Variants in VTI1A observed in about 807,000 individuals in gnomAD.
The protein encoded by VTI1A is vesicle transport through interaction with t-SNAREs homolog 1A.
A neutral mutation model predicts 34.9 loss-of-function variants in VTI1A; 22 were observed. The ratio of observed to expected loss-of-function variants is 0.63; its 90% CI spans 0.45 to 0.90. VTI1A has a LOEUF of 0.90. VTI1A is among the 40% of genes least tolerant of loss of function. VTI1A has a pLI of 0.00. For synonymous variants in VTI1A, 87 were observed against 97.3 expected, an observed-to-expected ratio of 0.89 and a Z score of 0.62; for missense variants, 268 against 275.6, an observed-to-expected ratio of 0.97 and a Z score of 0.20.
intron 5 of VTI1A, among the ~76,000 whole-genome samples, chr10:112,602,634 A>G (rs1844919194): frequency 1.3e-5 from 2 of 152,240 alleles, no homozygotes; most frequent in South Asian, 4.1e-4. Context: ...TGGATTTATA[A>G]GACATTGTGA....
At chr10:112,678,621 C>T (rs865841456) in intron 7 of VTI1A, among the ~76,000 whole-genome samples, 1 of 152,214 alleles carries the variant, frequency 6.6e-6, no homozygotes, top group Admixed American at 6.5e-5. Context: ...CCACTACCGC[C>T]ACCATATTTT....
chr10:112,755,421 C>T (rs2133998849), intron 7 of VTI1A, among the ~76,000 whole-genome samples: 1 of 152,292 alleles, frequency 6.6e-6, no homozygotes, highest in East Asian at 1.9e-4. Flanking sequence ...ACCTTCAGTA[C>T]TTGATTCCTG....
intron 3 of VTI1A, among the ~76,000 whole-genome samples, chr10:112,495,064 A>G (rs531335944): frequency 7.3e-4 from 111 of 152,202 alleles, no homozygotes; most frequent in African/African-American, 2.1e-3. Flanking sequence ...ACTGATGGAA[A>G]TGTGTCTTTT....
At chr10:112,815,256 C>A in intron 7 of VTI1A, 34 bp from the exon 8 acceptor site, 1 of 1,554,304 alleles carries the variant, frequency 6.4e-7, no homozygotes. Context: ...TTCCACTTAT[C>A]TGTGTGTGTT....
chr10:112,738,847 C>T (rs1850590500), intron 7 of VTI1A, among the ~76,000 whole-genome samples: 1 of 151,980 alleles, frequency 6.6e-6, no homozygotes, highest in South Asian at 2.1e-4. Context: ...AGAAAGCCCT[C>T]ATGGAAGAGA....
chr10:112,761,345 G>A (rs971221955), intron 7 of VTI1A, among the ~76,000 whole-genome samples: 9 of 152,024 alleles, frequency 5.9e-5, no homozygotes, highest in Non-Finnish European at 1.2e-4. Context: ...TTTTAATTTC[G>A]GTCTAACAGC....
chr10:112,815,139 G>GCACA (rs71489986), intron 7 of VTI1A, 151 bp from the exon 8 acceptor site: 20,865 of 179,536 alleles, frequency 0.12, 1,197 homozygotes, highest in East Asian at 0.24. Flanking sequence ...TTTCGCGCGC[G>GCACA]CACACACACA....
intron 3 of VTI1A, among the ~76,000 whole-genome samples, chr10:112,481,646 G>T (rs1848460258): frequency 6.6e-6 from 1 of 152,030 alleles, no homozygotes; most frequent in Non-Finnish European, 1.5e-5. Flanking sequence ...ACTTAATTTT[G>T]TACAAGAATT....
chr10:112,838,166 G>A, the VTI1A span, among the ~76,000 whole-genome samples: 1 of 152,206 alleles, frequency 6.6e-6, no homozygotes, highest in Non-Finnish European at 1.5e-5. Flanking sequence ...AAGAGGGCTG[G>A]GGCCAAGCCC....
At chr10:112,553,743 T>C (rs1338704264) in intron 5 of VTI1A, among the ~76,000 whole-genome samples, 1 of 152,206 alleles carries the variant, frequency 6.6e-6, no homozygotes, top group Non-Finnish European at 1.5e-5. Context: ...TCTACCTGTG[T>C]TCCACTGTCA....
the VTI1A span, among the ~76,000 whole-genome samples, chr10:112,835,086 G>T: frequency 6.6e-6 from 1 of 152,082 alleles, no homozygotes; most frequent in South Asian, 2.1e-4. Flanking sequence ...CACAGGGCCC[G>T]TGCGCTTCTC....
chr10:112,715,230 T>G (rs1849564556), intron 7 of VTI1A, among the ~76,000 whole-genome samples: 1 of 152,168 alleles, frequency 6.6e-6, no homozygotes, highest in African/African-American at 2.4e-5. Flanking sequence ...TTACTGAATT[T>G]TAATACTTCC....
chr10:112,740,260 T>C lies in VTI1A; in HGVS notation c.560+71262T>C, dbSNP rs185371067. ...ACAAATACTGGCCATGGGAAAACAATGCAGAATTCCCCCTGTGAACACTTT... is the reference window on the plus strand; with the variant it reads ...ACAAATACTGGCCATGGGAAAACAACGCAGAATTCCCCCTGTGAACACTTT... On this transcript the variant is annotated intron_variant, in intron 7 of 7. Coordinates refer to ENST00000393077, the MANE Select transcript of VTI1A (RefSeq NM_145206.4). Among the ~76,000 whole-genome samples, 6 of 152,290 alleles carry C rather than the reference T, an allele frequency of 3.9e-5. No homozygotes were observed. In the East Asian group the frequency reaches 9.7e-4, roughly 25 times the overall value.
intron 5 of VTI1A, among the ~76,000 whole-genome samples, chr10:112,604,150 G>C (rs1016622599): frequency 2.0e-5 from 3 of 152,132 alleles, no homozygotes; most frequent in Admixed American, 6.5e-5. Context: ...TTTGCATAGT[G>C]GGTGCTCTGG....
chr10:112,791,254 C>T (rs571949968), intron 7 of VTI1A, among the ~76,000 whole-genome samples: 56 of 152,186 alleles, frequency 3.7e-4, no homozygotes, highest in African/African-American at 1.1e-3. Flanking sequence ...TAGTATCAGG[C>T]GCAACAAAAG....
chr10:112,805,839 G>A (rs1590201545), intron 7 of VTI1A, among the ~76,000 whole-genome samples: 1 of 152,126 alleles, frequency 6.6e-6, no homozygotes, highest in South Asian at 2.1e-4. Context: ...CAACCCTGCC[G>A]ACACCTTGAC....
intron 7 of VTI1A, among the ~76,000 whole-genome samples, chr10:112,714,930 G>T (rs150755195): frequency 1.2e-3 from 181 of 152,256 alleles, no homozygotes; most frequent in African/African-American, 4.2e-3. Flanking sequence ...GGTTCTCTTA[G>T]AATTGTCATC....
intron 5 of VTI1A, among the ~76,000 whole-genome samples, chr10:112,662,263 A>G (rs1171278290): frequency 6.6e-6 from 1 of 152,154 alleles, no homozygotes; most frequent in Non-Finnish European, 1.5e-5. Flanking sequence ...TTTTGTCTCT[A>G]ATAATCTCTT....
chr10:112,689,370 T>A (rs1848535756), intron 7 of VTI1A, among the ~76,000 whole-genome samples: 1 of 152,184 alleles, frequency 6.6e-6, no homozygotes, highest in South Asian at 2.1e-4. Context: ...GTAATGTGTC[T>A]CCACCTTGCA....
Sources: gnomAD v4.1 joint callset for allele counts (sites outside exome capture counted in the v4.1 genomes callset) on GRCh38, gnomAD v4.1.1 for gene constraint, MANE v1.5 for transcripts, NCBI Gene and HGNC (gene_info 2026-07-23, HGNC 2026-07-21) for gene names.